Variants in DCHS2 observed in about 807,000 individuals in gnomAD.
DCHS2 encodes the protein dachsous cadherin-related 2, also known as protocadherin-23.
Under a neutral mutation model 182.4 loss-of-function variants are expected in DCHS2, and 142 were observed. The observed-to-expected ratio is 0.78, with a 90% CI of 0.68 to 0.89. DCHS2 has a LOEUF of 0.89. DCHS2 is among the 40% of genes least tolerant of loss of function. The probability of loss-of-function intolerance (pLI) is 0.00; values close to 1 mark genes in which losing one functional copy is unlikely to be tolerated. For synonymous variants in DCHS2, 1,740 were observed against 1,663.3 expected (o/e 1.05, Z -1.12); for missense variants, 4,319 against 4,198.6 (o/e 1.03, Z -0.79).
rs1402414590 is a variant in DCHS2 at position 154,489,480 on chromosome 4, G to A, written c.1876C>T (p.Gln626Ter). The change falls in exon 1 of 20, where the codon CAG (glutamine) becomes TAG (stop). Residue 626 changes from glutamine to a stop codon, truncating the protein, a stop_gained. Coordinates refer to ENST00000357232, the MANE Select transcript of DCHS2 (RefSeq NM_001358235.2). LOFTEE classifies it high-confidence loss of function. ...STIRTLDREV[Q>*]EAVELKVVAQ... ...ACCACTTTCAGCTCCACCGCCTCCT[G>A]GACCTCTCGGTCTAGAGTCCGGATA... The A allele has an allele frequency of 3.9e-6, 6 of 1,551,702 alleles. No individual in the cohort carries two copies. Among genetic ancestry groups the A allele is most frequent in the Non-Finnish European group, 5.2e-6 (6 of 1,146,988 alleles).
intron 16 of DCHS2, among the ~76,000 whole-genome samples, chr4:154,250,216 T>C (rs1000272761): frequency 9.9e-5 from 15 of 152,080 alleles, no homozygotes; most frequent in Non-Finnish European, 2.9e-5. Context: ...AATGCAAACA[T>C]ATTTTGAAGT....
intron 13 of DCHS2, chr4:154,272,416 C>T (rs1030496270): frequency 2.6e-5 from 4 of 152,120 alleles, no homozygotes; most frequent in Non-Finnish European, 5.9e-5. Context: ...TGTGTCCCCA[C>T]CCAAATCTCA....
chr4:154,322,310 A>G (rs2111338694), intron 8 of DCHS2, 21 bp downstream of exon 8: 2 of 1,611,942 alleles, frequency 1.2e-6, no homozygotes, highest in Non-Finnish European at 1.7e-6. Flanking sequence ...GTCCTTCCAT[A>G]TTTTATGGTG....
chr4:154,280,995 T>A (rs1457653725), intron 13 of DCHS2, among the ~76,000 whole-genome samples: 2 of 152,112 alleles, frequency 1.3e-5, no homozygotes, highest in Non-Finnish European at 2.9e-5. Flanking sequence ...ACCTGGCTAA[T>A]TTTTGTATTT....
chr4:154,364,949 G>C (rs1000169251), intron 3 of DCHS2, among the ~76,000 whole-genome samples: 11 of 151,760 alleles, frequency 7.2e-5, no homozygotes, highest in African/African-American at 1.2e-4. Flanking sequence ...TTTTGGACCA[G>C]AGTATCTCTA....
intron 1 of DCHS2, among the ~76,000 whole-genome samples, chr4:154,484,502 C>T (rs1371536464): frequency 1.3e-5 from 2 of 152,138 alleles, no homozygotes; most frequent in African/African-American, 2.4e-5. Flanking sequence ...CCAGACACAC[C>T]GTGATTATTC....
At chr4:154,245,569 A>G (rs907239931) in intron 16 of DCHS2, among the ~76,000 whole-genome samples, 1 of 152,078 alleles carries the variant, frequency 6.6e-6, no homozygotes, top group East Asian at 1.9e-4. Flanking sequence ...AAAAAAAAAT[A>G]TCAGCCACCA....
rs1560968226 is a variant in DCHS2 at position 154,234,704 on chromosome 4, A to G, written c.9948T>C (p.His3316=). 2.5e-6 allele frequency: 4 copies of G among 1,613,986 alleles called. No homozygotes were observed. The Admixed American group carries it at 5.0e-5, about 20-fold the overall frequency. The change falls in exon 20 of 20, where the codon CAT becomes CAC. Residue 3316 remains histidine (H), a synonymous_variant. Transcript: ENST00000357232. ...PKHPRSPIPY[H]LGSLPEGMTP... ...TCATGCCTTCTGGCAGAGAACCAAG[A>G]TGGTAGGGGATGGGAGAGCGTGGGT...
intron 16 of DCHS2, among the ~76,000 whole-genome samples, chr4:154,244,411 C>A (rs1019628694): frequency 6.6e-6 from 1 of 152,242 alleles, no homozygotes; most frequent in South Asian, 2.1e-4. Context: ...ATTTTTCACT[C>A]CCCTCTGAAC....
intron 1 of DCHS2, among the ~76,000 whole-genome samples, chr4:154,468,447 T>C (rs1353927287): frequency 6.6e-6 from 1 of 152,162 alleles, no homozygotes; most frequent in Non-Finnish European, 1.5e-5. Context: ...GCCTGACCAT[T>C]TCTCTATGTT....
In DCHS2 at chr4:154,287,144, T is replaced by A. The variant is rs1734441034; in HGVS notation, c.6463+10707A>T. Among the ~76,000 whole-genome samples the A allele has an allele frequency of 2.0e-5, 3 of 152,126 alleles. No individual in the cohort carries two copies. The South Asian group carries it at 6.2e-4, about 32-fold the overall frequency. On this transcript the variant is annotated intron_variant, in intron 13 of 19. Transcript: ENST00000357232. Reference sequence around the variant, plus strand: ...AAATATGAAGGAGAAATAAAGACTTTTCCATACAAACAAAAGCTGAGGGAT... The same window carrying A: ...AAATATGAAGGAGAAATAAAGACTTATCCATACAAACAAAAGCTGAGGGAT...
At position 154,298,447 on chromosome 4, in the gene DCHS2, G is replaced by C; in HGVS notation, c.5867C>G (p.Ser1956Ter). Residue 1956 changes from serine (S) to a stop codon, truncating the protein, a stop_gained, in exon 13 of 20, where the codon TCA (serine) becomes TGA (stop). Transcript: ENST00000357232. LOFTEE classifies it high-confidence loss of function. The stretch of plus-strand genomic sequence containing the variant: ...CAGGCCTTCATCCTTGTCCACAGCT[G>C]AAAGCACAAGAACCACTGTTCCCAC... ...AEVGTVVLVL[S>*]AVDKDEGLNG... 6.2e-7 allele frequency: 1 copy of C among 1,614,164 alleles called. No individual in the cohort carries two copies. The highest frequency in any genetic ancestry group is 8.5e-7 in the Non-Finnish European group (1 of 1,180,014).
chr4:154,437,008 T>C (rs1045026029), intron 1 of DCHS2, among the ~76,000 whole-genome samples: 1 of 152,166 alleles, frequency 6.6e-6, no homozygotes, highest in Non-Finnish European at 1.5e-5. Context: ...TACTGGAAAA[T>C]TTTAAATCAT....
At chr4:154,444,699 A>G (rs1044273191) in intron 1 of DCHS2, among the ~76,000 whole-genome samples, 1 of 152,136 alleles carries the variant, frequency 6.6e-6, no homozygotes, top group Non-Finnish European at 1.5e-5. Flanking sequence ...GATAAATCAG[A>G]TCATGTCACT....
intron 19 of DCHS2, among the ~76,000 whole-genome samples, chr4:154,238,709 T>C (rs1731654379): frequency 6.6e-6 from 1 of 152,228 alleles, no homozygotes; most frequent in Admixed American, 6.5e-5. Context: ...TTTAAAATTA[T>C]TCTTGTGCTT....
At chr4:154,341,805 G>C (rs956852761) in intron 3 of DCHS2, among the ~76,000 whole-genome samples, 1 of 152,092 alleles carries the variant, frequency 6.6e-6, no homozygotes. Context: ...AACCTACCAT[G>C]GTTTTACCTT....
chr4:154,350,959 G>C (rs1227713748), intron 3 of DCHS2, among the ~76,000 whole-genome samples: 1 of 152,158 alleles, frequency 6.6e-6, no homozygotes, highest in Non-Finnish European at 1.5e-5. Context: ...GAAAAGAAGG[G>C]ATGGCCAGAG....
chr4:154,298,860 A>G, intron 12 of DCHS2, 152 bp from the exon 13 acceptor site: 1 of 1,167,476 alleles, frequency 8.6e-7, no homozygotes, highest in Non-Finnish European at 1.1e-6. Flanking sequence ...TTGGGGATAT[A>G]ACAGTAAGCA....
rs769394038 is a variant in DCHS2 at position 154,332,793 on chromosome 4, T to C, written c.3415A>G (p.Thr1139Ala). 6.2e-7 allele frequency: 1 copy of C among 1,614,170 alleles called. No homozygotes were observed. Among genetic ancestry groups the C allele is most frequent in the Non-Finnish European group, 8.5e-7 (1 of 1,180,032 alleles). The change falls in exon 5 of 20, where the codon ACG becomes GCG. Residue 1139 changes from threonine to alanine, a missense_variant. Transcript: ENST00000357232. ...DSAMFGIRPY[T>A]GWIYLRRQFD... The stretch of plus-strand genomic sequence containing the variant: ...TGTCGCCGCAAATAAATCCAGCCCG[T>C]GTAAGGGCGGATTCCAAACATAGCA...
Sources: gnomAD v4.1 joint callset for allele counts (sites outside exome capture counted in the v4.1 genomes callset) on GRCh38, gnomAD v4.1.1 for gene constraint, MANE v1.5 for transcripts, NCBI Gene and HGNC (gene_info 2026-07-23, HGNC 2026-07-21) for gene names.